The following RBFOX3 variants were observed in gnomAD, a reference collection of about 807,000 sequenced individuals.
RBFOX3 encodes the protein RNA binding fox-1 homolog 3.
RBFOX3 carries 17 observed loss-of-function variants against 48.7 expected under a neutral mutation model. The observed-to-expected ratio is 0.35, with a 90% CI of 0.24 to 0.52. The LOEUF is 0.52. RBFOX3 is among the 20% of genes least tolerant of loss of function. The pLI is 0.94. For missense variants in RBFOX3, 382 were observed against 497.5 expected, an observed-to-expected ratio of 0.77 and a Z score of 2.21; for synonymous variants, 212 against 209.5, an observed-to-expected ratio of 1.01 and a Z score of -0.10.
At chr17:79,457,388 T>C (rs2074686508) in intron 2 of RBFOX3, among the ~76,000 whole-genome samples, 1 of 152,216 alleles carries the variant, frequency 6.6e-6, no homozygotes, top group Non-Finnish European at 1.5e-5. Flanking sequence ...ATATGGCTCA[T>C]GAATGGGGGT....
At chr17:79,548,602 G>C (rs1214552935) in intron 1 of RBFOX3, among the ~76,000 whole-genome samples, 4 of 152,244 alleles carry the variant, frequency 2.6e-5, no homozygotes, top group Non-Finnish European at 5.9e-5. Flanking sequence ...TGCTGGAGAG[G>C]GGCCCAGCTC....
chr17:79,427,184 T>A (rs1277877314), intron 2 of RBFOX3, among the ~76,000 whole-genome samples: 1 of 152,182 alleles, frequency 6.6e-6, no homozygotes, highest in African/African-American at 2.4e-5. Flanking sequence ...GGGGGGCCCC[T>A]GCCCAGACAG....
the RBFOX3 span, among the ~76,000 whole-genome samples, chr17:79,661,044 C>T: frequency 2.0e-5 from 3 of 152,306 alleles, no homozygotes; most frequent in East Asian, 5.8e-4. Flanking sequence ...AAACCAAACA[C>T]AACATGTTCT....
chr17:79,223,370 C>T (rs1476225506), intron 4 of RBFOX3, among the ~76,000 whole-genome samples: 2 of 152,192 alleles, frequency 1.3e-5, no homozygotes, highest in African/African-American at 2.4e-5. Context: ...CCCTTATCCA[C>T]CCCCCTCACA....
At chr17:79,378,021 T>C (rs545165206) in intron 2 of RBFOX3, among the ~76,000 whole-genome samples, 1 of 152,222 alleles carries the variant, frequency 6.6e-6, no homozygotes, top group South Asian at 2.1e-4. Flanking sequence ...TTTATACCAA[T>C]GCAGTCACAA....
chr17:79,336,217 TC>T (rs1274926267), intron 2 of RBFOX3, among the ~76,000 whole-genome samples: 1 of 151,622 alleles, frequency 6.6e-6, no homozygotes, highest in Admixed American at 6.6e-5. Flanking sequence ...CGAAAACCCA[TC>T]TCTACTAAAA....
At chr17:79,179,804 A>G (rs28703818) in intron 4 of RBFOX3, among the ~76,000 whole-genome samples, 8,727 of 152,236 alleles carry the variant, frequency 0.057, 282 homozygotes, top group East Asian at 0.18. Flanking sequence ...CTTGCCCTGA[A>G]AGGTGACCAG....
chr17:79,450,219 G>A (rs1183858903), intron 2 of RBFOX3, among the ~76,000 whole-genome samples: 3 of 152,282 alleles, frequency 2.0e-5, no homozygotes, highest in South Asian at 2.1e-4. Context: ...CTGCCCTCCC[G>A]CCCTCCTGTA....
rs181113219 is a variant in RBFOX3 at position 79,402,070 on chromosome 17, G to C, written c.-175+80384C>G. On this transcript the variant is annotated intron_variant, in intron 2 of 14. Coordinates refer to ENST00000693108, the MANE Select transcript of RBFOX3 (RefSeq NM_001350451.2). The stretch of plus-strand genomic sequence containing the variant: ...GGGGACAATCTGTGGCCCACCACCA[G>C]GAGCCCAGGGTGGAGGACCCAGGCA... 5.6e-3 allele frequency among the ~76,000 whole-genome samples: 850 copies of C among 152,326 alleles called. 6 individuals are homozygous for C. Among genetic ancestry groups the C allele is most frequent in the Middle Eastern group, 0.014 (4 of 294 alleles).
At chr17:79,545,240 G>A (rs1051941648) in intron 1 of RBFOX3, among the ~76,000 whole-genome samples, 1 of 152,314 alleles carries the variant, frequency 6.6e-6, no homozygotes, top group African/African-American at 2.4e-5. Context: ...TGGGAAGGGC[G>A]TCGAGGGTCC....
intron 2 of RBFOX3, among the ~76,000 whole-genome samples, chr17:79,346,014 G>A (rs1016762534): frequency 8.6e-5 from 13 of 151,978 alleles, no homozygotes; most frequent in East Asian, 1.9e-4. Flanking sequence ...TGCACCTCCC[G>A]GGTTCAAGCA....
At chr17:79,127,707 G>T (rs2037680292) in intron 4 of RBFOX3, among the ~76,000 whole-genome samples, 1 of 152,166 alleles carries the variant, frequency 6.6e-6, no homozygotes, top group African/African-American at 2.4e-5. Flanking sequence ...CTGGTTCCAG[G>T]AAAGATGTCC....
At chr17:79,257,971 G>A (rs527433414) in intron 3 of RBFOX3, among the ~76,000 whole-genome samples, 1 of 152,240 alleles carries the variant, frequency 6.6e-6, no homozygotes, top group African/African-American at 2.4e-5. Context: ...GGGGACGGGG[G>A]TCTCAAATCC....
At chr17:79,305,784 G>A (rs548216177) in intron 3 of RBFOX3, among the ~76,000 whole-genome samples, 7 of 152,354 alleles carry the variant, frequency 4.6e-5, no homozygotes, top group Non-Finnish European at 4.4e-5. Context: ...ACTTAAAAAG[G>A]ACTTTCCGTT....
intron 3 of RBFOX3, among the ~76,000 whole-genome samples, chr17:79,274,210 CTGCCTTT>C: frequency 6.6e-6 from 1 of 152,310 alleles, no homozygotes; most frequent in East Asian, 1.9e-4. Flanking sequence ...AGATGTGCTC[CTGCCTTT>C]TGGCTGGAGA....
intron 3 of RBFOX3, among the ~76,000 whole-genome samples, chr17:79,262,646 G>C (rs572629324): frequency 6.6e-6 from 1 of 152,196 alleles, no homozygotes; most frequent in Non-Finnish European, 1.5e-5. Context: ...GCAGGCTCAC[G>C]GTGCCAGCTG....
At chr17:79,097,923 G>A (rs1218452870) in intron 9 of RBFOX3, 178 bp from the exon 10 acceptor site, 1 of 640,552 alleles carries the variant, frequency 1.6e-6, no homozygotes, top group Non-Finnish European at 2.8e-6. Flanking sequence ...CAAAACACCA[G>A]GGTCTACTCC....
At chr17:79,349,010 C>G (rs1157222966) in intron 2 of RBFOX3, among the ~76,000 whole-genome samples, 1 of 152,086 alleles carries the variant, frequency 6.6e-6, no homozygotes, top group Non-Finnish European at 1.5e-5. Context: ...GCTACATCCC[C>G]TCTGAAAGCC....
At chr17:79,323,887 T>C (rs1320133296) in intron 2 of RBFOX3, among the ~76,000 whole-genome samples, 1 of 152,234 alleles carries the variant, frequency 6.6e-6, no homozygotes, top group Non-Finnish European at 1.5e-5. Flanking sequence ...ACTGTCTAGC[T>C]AGAGAGGCAT....
Sources: allele counts gnomAD v4.1 joint callset (sites outside exome capture counted in the v4.1 genomes callset), GRCh38; gene constraint gnomAD v4.1.1; transcripts MANE v1.5; gene names NCBI Gene and HGNC (gene_info 2026-07-23, HGNC 2026-07-21).